Variants in PDE10A observed in about 807,000 individuals in gnomAD.
PDE10A encodes phosphodiesterase 10A, also known as cAMP and cAMP-inhibited cGMP 3',5'-cyclic phosphodiesterase 10A.
PDE10A carries 39 observed loss-of-function variants against 97.7 expected under a neutral mutation model. The ratio of observed to expected loss-of-function variants is 0.40; its 90% CI spans 0.31 to 0.52. PDE10A has a LOEUF of 0.52. PDE10A is among the 20% of genes least tolerant of loss of function. The pLI, the probability that PDE10A is intolerant of heterozygous loss-of-function variation, is 0.56. For missense variants in PDE10A, 731 were observed against 1,047.8 expected, an observed-to-expected ratio of 0.70 and a Z score of 4.17; for synonymous variants, 371 against 376.8, an observed-to-expected ratio of 0.98 and a Z score of 0.18.
chr6:165,747,492 A>G (rs1163053601), intron 1 of PDE10A, among the ~76,000 whole-genome samples: 2 of 152,216 alleles, frequency 1.3e-5, no homozygotes, highest in East Asian at 3.8e-4. Flanking sequence ...AGAAAATGAG[A>G]TAACATCACA....
intron 11 of PDE10A, among the ~76,000 whole-genome samples, chr6:165,417,861 G>A (rs220743): frequency 0.24 from 36,213 of 152,118 alleles, 4,925 homozygotes; most frequent in African/African-American, 0.36. Context: ...ACAGTGTTTT[G>A]CCAGAATGGT....
At chr6:165,908,390 G>A (rs376085333) in intron 1 of PDE10A, among the ~76,000 whole-genome samples, 2 of 152,194 alleles carry the variant, frequency 1.3e-5, no homozygotes, top group African/African-American at 2.4e-5. Flanking sequence ...GGCTACCGTT[G>A]GGTTGGAGAA....
At chr6:165,974,242 T>C (rs79957253) in intron 1 of PDE10A, among the ~76,000 whole-genome samples, 10,771 of 152,294 alleles carry the variant, frequency 0.071, 471 homozygotes, top group South Asian at 0.12. Flanking sequence ...AAAATGGTCA[T>C]GGGCCTTCTA....
At chr6:165,442,182 G>A (rs1046630278) in intron 5 of PDE10A, among the ~76,000 whole-genome samples, 1 of 152,122 alleles carries the variant, frequency 6.6e-6, no homozygotes, top group Admixed American at 6.5e-5. Flanking sequence ...TAGGGTACAT[G>A]TGCACAACGT....
chr6:165,694,783 G>A (rs1251724300), intron 1 of PDE10A, among the ~76,000 whole-genome samples: 1 of 152,146 alleles, frequency 6.6e-6, no homozygotes, highest in African/African-American at 2.4e-5. Flanking sequence ...GAATGTTGAT[G>A]GTAAAGAGAA....
intron 10 of PDE10A, among the ~76,000 whole-genome samples, chr6:165,421,978 G>T (rs1281040508): frequency 6.6e-6 from 1 of 152,118 alleles, no homozygotes; most frequent in Non-Finnish European, 1.5e-5. Flanking sequence ...GTAGGAGGAT[G>T]GCTTGAGCCA....
At chr6:165,673,564 T>C (rs967676809) in intron 1 of PDE10A, among the ~76,000 whole-genome samples, 5 of 152,262 alleles carry the variant, frequency 3.3e-5, no homozygotes, top group African/African-American at 1.2e-4. Context: ...CAGCCACTTC[T>C]GGTTTCAGAA....
chr6:165,350,876 T>C (rs574720129), intron 18 of PDE10A, among the ~76,000 whole-genome samples: 2 of 152,310 alleles, frequency 1.3e-5, no homozygotes, highest in East Asian at 3.9e-4. Flanking sequence ...CCTTCCATCA[T>C]GATTGTAAGT....
intron 1 of PDE10A, among the ~76,000 whole-genome samples, chr6:165,907,124 C>T (rs1782309090): frequency 1.3e-5 from 2 of 152,210 alleles, no homozygotes; most frequent in South Asian, 2.1e-4. Context: ...GACAAGCAGC[C>T]TTGTTGGCTT....
At chr6:165,987,112 G>A (rs1160841468) in intron 1 of PDE10A, among the ~76,000 whole-genome samples, 2 of 152,158 alleles carry the variant, frequency 1.3e-5, no homozygotes, top group African/African-American at 4.8e-5. Context: ...TCTCCAGGCC[G>A]CCTCGGGAGG....
At chr6:165,687,160 T>C (rs777011498) in intron 1 of PDE10A, among the ~76,000 whole-genome samples, 1 of 152,144 alleles carries the variant, frequency 6.6e-6, no homozygotes, top group Non-Finnish European at 1.5e-5. Flanking sequence ...ACACCCCCAC[T>C]GCGCTCTGGC....
At chr6:165,929,050 C>T (rs1182316425) in intron 1 of PDE10A, among the ~76,000 whole-genome samples, 2 of 152,148 alleles carry the variant, frequency 1.3e-5, no homozygotes, top group African/African-American at 4.8e-5. Context: ...GAGCTTCTGA[C>T]TCCTCGTCTC....
At chr6:165,532,493 T>C (rs1056850999) in intron 2 of PDE10A, among the ~76,000 whole-genome samples, 6 of 152,120 alleles carry the variant, frequency 3.9e-5, no homozygotes, top group Non-Finnish European at 7.4e-5. Context: ...AATAAGTGCA[T>C]GTAGTTAGAG....
chr6:165,821,492 C>T (rs183768578), intron 1 of PDE10A, among the ~76,000 whole-genome samples: 2 of 152,010 alleles, frequency 1.3e-5, no homozygotes, highest in Non-Finnish European at 2.9e-5. Flanking sequence ...TTAAATGATG[C>T]TCCTCTGTTC....
Position 165,412,626 on chromosome 6 carries a change from AATTAAAAACGGTTACCCTCGGT to A in PDE10A, c.2076+853_2076+874del, listed in dbSNP as rs553497998. Reference sequence around the variant, plus strand: ...TACTCTCACTAAATAGCACAAACTGAATTAAAAACGGTTACCCTCGGTCACCAGAAGTTAAGTTTTACCAATG... The same window carrying A: ...TACTCTCACTAAATAGCACAAACTGACACCAGAAGTTAAGTTTTACCAATG... On this transcript the variant is annotated intron_variant, in intron 13 of 21. Transcript: ENST00000539869. 5.3e-4 allele frequency among the ~76,000 whole-genome samples: 80 copies of A among 152,302 alleles called. 1 individual carries two copies. The highest frequency in any genetic ancestry group is 1.9e-3 in the African/African-American group (79 of 41,574).
At chr6:165,446,586 A>G (rs1790864085) in intron 5 of PDE10A, among the ~76,000 whole-genome samples, 1 of 152,224 alleles carries the variant, frequency 6.6e-6, no homozygotes, top group Non-Finnish European at 1.5e-5. Context: ...CATAAAGCTG[A>G]CATTCTAGCA....
intron 3 of PDE10A, among the ~76,000 whole-genome samples, chr6:165,480,187 C>T (rs1287905751): frequency 6.6e-6 from 1 of 152,010 alleles, no homozygotes; most frequent in Non-Finnish European, 1.5e-5. Context: ...TAACATAATC[C>T]CTATACTCAA....
chr6:165,752,730 TCATATTG>T (rs534765362), intron 1 of PDE10A, among the ~76,000 whole-genome samples: 47 of 152,268 alleles, frequency 3.1e-4, no homozygotes, highest in African/African-American at 9.9e-4. Flanking sequence ...CAGAATAATG[TCATATTG>T]CAGAAGTTTA....
At chr6:165,471,417 A>C (rs1037042425) in intron 3 of PDE10A, among the ~76,000 whole-genome samples, 2 of 152,114 alleles carry the variant, frequency 1.3e-5, no homozygotes, top group Non-Finnish European at 2.9e-5. Flanking sequence ...ATGATCTCAA[A>C]TTTATATCTC....
Sources: allele counts gnomAD v4.1 joint callset (sites outside exome capture counted in the v4.1 genomes callset), GRCh38; gene constraint gnomAD v4.1.1; transcripts MANE v1.5; gene names NCBI Gene and HGNC (gene_info 2026-07-23, HGNC 2026-07-21).